Variants in TRMT9B observed in about 807,000 individuals in gnomAD.
The protein encoded by TRMT9B is probable tRNA methyltransferase 9B.
TRMT9B carries 16 observed loss-of-function variants against 11.5 expected under a neutral mutation model. The observed-to-expected ratio is 1.39, with a 90% CI of 0.94 to 2.11. The LOEUF (loss-of-function observed/expected upper bound fraction) is 2.11. TRMT9B is among the 30% of genes most tolerant of loss of function. TRMT9B has a pLI of 0.00. For missense variants in TRMT9B, 941 were observed against 553.8 expected, an observed-to-expected ratio of 1.70 and a Z score of -7.02; for synonymous variants, 274 against 192.4, an observed-to-expected ratio of 1.42 and a Z score of -3.51.
At chr8:12,996,023 C>A (rs1378677137) in intron 2 of TRMT9B, among the ~76,000 whole-genome samples, 2 of 152,104 alleles carry the variant, frequency 1.3e-5, no homozygotes, top group Non-Finnish European at 2.9e-5. Context: ...CATGAAACAG[C>A]AAGATAATTA....
intron 2 of TRMT9B, among the ~76,000 whole-genome samples, chr8:12,997,764 T>G (rs1346480419): frequency 1.3e-5 from 2 of 152,220 alleles, no homozygotes; most frequent in Non-Finnish European, 2.9e-5. Context: ...TATATACTTT[T>G]AAGAGTGGGG....
intron 1 of TRMT9B, among the ~76,000 whole-genome samples, chr8:12,950,564 T>TCTTTCTTTCTTTCTTTCTC (rs1554505540): frequency 6.6e-6 from 1 of 151,890 alleles, no homozygotes; most frequent in African/African-American, 2.4e-5. Flanking sequence ...TTTCTTTCTT[T>TCTTTCTTTCTTTCTTTCTC]TTGAATGTGA....
intron 4 of TRMT9B, among the ~76,000 whole-genome samples, chr8:13,014,610 G>A (rs1812272103): frequency 6.6e-6 from 1 of 152,038 alleles, no homozygotes; most frequent in Non-Finnish European, 1.5e-5. Context: ...TTCATACTGG[G>A]GGTTAGGGCT....
chr8:12,956,107 G>A (rs561895926), intron 1 of TRMT9B, among the ~76,000 whole-genome samples: 1 of 152,168 alleles, frequency 6.6e-6, no homozygotes, highest in Non-Finnish European at 1.5e-5. Flanking sequence ...CTCCCTGCAA[G>A]AACACTGTGC....
At position 13,006,258 on chromosome 8, in the gene TRMT9B, G is replaced by C. The variant is rs750583705; in HGVS notation, c.56G>C (p.Ser19Thr). The change falls in exon 3 of 5, where the codon AGC (serine) becomes ACC (threonine). Residue 19 changes from serine (S) to threonine (T), a missense_variant. Coordinates refer to ENST00000524591, the MANE Select transcript of TRMT9B (RefSeq NM_020844.3). ...CAGCATGTGCACAATGTGTACGAGAGCACAGCCCCTTACTTCAGCGACCTG... is the reference window on the plus strand; with the variant it reads ...CAGCATGTGCACAATGTGTACGAGACCACAGCCCCTTACTTCAGCGACCTG... ...EKQHVHNVYE[S>T]TAPYFSDLQS... 1.2e-6 allele frequency: 2 copies of C among 1,613,990 alleles called. No homozygotes were observed. Among genetic ancestry groups the C allele is most frequent in the African/African-American group, 1.3e-5 (1 of 75,064 alleles).
intron 1 of TRMT9B, among the ~76,000 whole-genome samples, chr8:12,973,662 A>G (rs1385265326): frequency 8.3e-6 from 1 of 120,168 alleles, no homozygotes; most frequent in African/African-American, 3.1e-5. Flanking sequence ...GGGGTGGATG[A>G]CATGGAACTG....
intron 1 of TRMT9B, among the ~76,000 whole-genome samples, chr8:12,963,980 CA>C (rs1452979962): frequency 1.3e-5 from 2 of 152,034 alleles, no homozygotes; most frequent in African/African-American, 4.8e-5. Context: ...TAAATGACAC[CA>C]ATCGCATCAG....
intron 3 of TRMT9B, chr8:13,011,662 T>G: frequency 2.0e-6 from 2 of 979,820 alleles, no homozygotes; most frequent in South Asian, 4.7e-5. Context: ...CAGTAAGACC[T>G]CAATGATCTA....
intron 2 of TRMT9B, among the ~76,000 whole-genome samples, chr8:12,996,632 C>G (rs753099315): frequency 1.2e-4 from 19 of 152,336 alleles, no homozygotes; most frequent in Non-Finnish European, 1.9e-4. Flanking sequence ...AGAGGATACT[C>G]TGCTCAGTTT....
At chr8:13,007,778 A>T (rs1297938790) in intron 3 of TRMT9B, 1 of 152,228 alleles carries the variant, frequency 6.6e-6, no homozygotes, top group Non-Finnish European at 1.5e-5. Context: ...GGATAACGAC[A>T]TATATAATCA....
intron 1 of TRMT9B, among the ~76,000 whole-genome samples, chr8:12,975,423 GAA>G (rs34329789): frequency 8.1e-5 from 12 of 147,428 alleles, no homozygotes; most frequent in Non-Finnish European, 1.7e-4. Flanking sequence ...TAGCAGGAAA[GAA>G]AAAAAAAAGC....
intron 2 of TRMT9B, among the ~76,000 whole-genome samples, chr8:12,999,911 A>G (rs554112061): frequency 6.6e-6 from 1 of 152,344 alleles, no homozygotes; most frequent in East Asian, 1.9e-4. Flanking sequence ...TCTCTACGAG[A>G]AAGAAAACTT....
In TRMT9B at chr8:13,025,573, C is replaced by A. The variant is rs1814596503; in HGVS notation, c.*3529C>A. On this transcript the variant is annotated 3_prime_UTR_variant, in exon 5 of 5. Transcript: ENST00000524591. The stretch of plus-strand genomic sequence containing the variant: ...TGCCTCACTGTCTATTTGAGGAATT[C>A]CACAGAATCTTCAAAGGATTTGGGG... The A allele has an allele frequency of 6.0e-6, 1 of 167,028 alleles. No homozygotes were observed. Among genetic ancestry groups the A allele is most frequent in the Admixed American group, 6.5e-5 (1 of 15,270 alleles). 10.3% of individuals were successfully genotyped at this position (167,028 alleles called of 1,614,324 possible). A position where few individuals can be genotyped will look rare whatever the true frequency, so the allele number is the denominator to read the frequency against.
chr8:13,018,816 G>A (rs976503147), intron 4 of TRMT9B, among the ~76,000 whole-genome samples: 2 of 152,110 alleles, frequency 1.3e-5, no homozygotes, highest in Admixed American at 1.3e-4. Context: ...TCCATAAGGT[G>A]CATCACAGTC....
At chr8:13,018,201 A>T (rs1284786835) in intron 4 of TRMT9B, among the ~76,000 whole-genome samples, 1 of 151,634 alleles carries the variant, frequency 6.6e-6, no homozygotes, top group Non-Finnish European at 1.5e-5. Context: ...CAGGAGTTCG[A>T]TACCAGCCTG....
At chr8:12,998,439 C>T (rs974476586) in intron 2 of TRMT9B, among the ~76,000 whole-genome samples, 55 of 152,148 alleles carry the variant, frequency 3.6e-4, no homozygotes, top group Admixed American at 3.5e-3. Flanking sequence ...AGAGCTAAAA[C>T]ATAGAGGACT....
intron 1 of TRMT9B, among the ~76,000 whole-genome samples, chr8:12,963,362 G>C (rs1441660081): frequency 6.6e-6 from 1 of 152,178 alleles, no homozygotes; most frequent in Non-Finnish European, 1.5e-5. Flanking sequence ...GAACCTGGGA[G>C]GTAGAGGTTG....
chr8:13,001,500 C>T (rs866350358), intron 2 of TRMT9B, among the ~76,000 whole-genome samples: 56 of 152,286 alleles, frequency 3.7e-4, no homozygotes, highest in African/African-American at 1.3e-3. Flanking sequence ...TAACATACTT[C>T]ACTAAAACTA....
In TRMT9B at chr8:13,026,070, G is replaced by T. The variant is rs1040894396; in HGVS notation, c.*4026G>T. The T allele has an allele frequency of 4.2e-5, 7 of 167,044 alleles. No homozygotes were observed. Among genetic ancestry groups the T allele is most frequent in the Non-Finnish European group, 8.8e-5 (6 of 68,110 alleles). 10.3% of individuals were successfully genotyped at this position (167,044 alleles called of 1,614,324 possible). ...AAGTTCTAACTCAGTACTTGAACTT[G>T]GTGGGGGAGGGCACAGGTTAAATAT... On this transcript the variant is annotated 3_prime_UTR_variant, in exon 5 of 5. Coordinates refer to ENST00000524591, the MANE Select transcript of TRMT9B (RefSeq NM_020844.3).
Sources: allele counts gnomAD v4.1 joint callset (sites outside exome capture counted in the v4.1 genomes callset), GRCh38; gene constraint gnomAD v4.1.1; transcripts MANE v1.5; gene names NCBI Gene and HGNC (gene_info 2026-07-23, HGNC 2026-07-21).